Variants in RAD51D observed in about 807,000 individuals in gnomAD.
RAD51D encodes the protein DNA repair protein RAD51 homolog 4.
In RAD51D, 38 loss-of-function variants were observed where a neutral mutation model predicts 44.1. The ratio of observed to expected loss-of-function variants is 0.86; its 90% confidence interval spans 0.67 to 1.13. The LOEUF (loss-of-function observed/expected upper bound fraction) is 1.13, where lower values mean the gene tolerates loss of function less well. Ranked by LOEUF, RAD51D falls within the 50% of genes most tolerant of loss-of-function variation. RAD51D has a pLI of 0.00. For synonymous variants in RAD51D, 141 were observed against 166.6 expected (o/e 0.85, Z 1.18); for missense variants, 390 against 414.0 (o/e 0.94, Z 0.50).
At chr17:35,118,749 T>C (rs2091781111) in intron 2 of RAD51D, 130 bp from the exon 3 acceptor site, 37 of 777,352 alleles carry the variant, frequency 4.8e-5, no homozygotes, top group South Asian at 4.4e-4. Flanking sequence ...ACTTTTGTTA[T>C]TGTTGTTGTT....
In RAD51D at chr17:35,098,733, C is replaced by T. The variant is rs1428252968; in HGVS notation, c.*2220G>A. The T allele has an allele frequency of 6.6e-6, 1 of 152,080 alleles. No homozygotes were observed. Among genetic ancestry groups the T allele is most frequent in the Admixed American group, 6.5e-5 (1 of 15,268 alleles). 9.4% of individuals were successfully genotyped at this position (152,080 alleles called of 1,614,324 possible). A position where few individuals can be genotyped will look rare whatever the true frequency, so the allele number is the denominator to read the frequency against. On this transcript the variant is annotated 3_prime_UTR_variant, in exon 10 of 10. Transcript: ENST00000345365. The stretch of plus-strand genomic sequence containing the variant: ...TGTGGGAATTAAAAAAAAAAGAGTC[C>T]TAGGAATCAAGTTGTGGGTTCCAGA...
In RAD51D at chr17:35,103,317, G is replaced by T. The variant is rs760789270; in HGVS notation, c.675C>A (p.Ala225=). Residue 225 remains alanine, a synonymous_variant, in exon 8 of 10, where the codon GCC becomes GCA. Coordinates refer to ENST00000345365, the MANE Select transcript of RAD51D (RefSeq NM_002878.4). This position sits in a 1 kb window ranked among gnomAD's most constrained non-coding sequence, Gnocchi z 4.1. The part of the protein sequence containing the change: ...LLGGQQREGL[A]LMMQLARELK... ...GCTCTCGGGCCAGCTGCATCATCAAGGCCAAGCCTGCAGGAGGAGGAGAAG... is the reference window on the plus strand; with the variant it reads ...GCTCTCGGGCCAGCTGCATCATCAATGCCAAGCCTGCAGGAGGAGGAGAAG... The T allele has an allele frequency of 6.2e-7, 1 of 1,612,342 alleles. No homozygotes were observed. Among genetic ancestry groups the T allele is most frequent in the Non-Finnish European group, 8.5e-7 (1 of 1,179,292 alleles).
Position 35,110,808 on chromosome 17 carries a change from T to TA in RAD51D, c.264-3362dup, listed in dbSNP as rs773990072. On this transcript the variant is annotated intron_variant, in intron 3 of 9. Coordinates refer to ENST00000345365, the MANE Select transcript of RAD51D (RefSeq NM_002878.4). ...GCAACATAATGAAACCCTGTCTCTA[T>TA]AAAAAAAATACAAACAGGCTGGGCG... Among the ~76,000 whole-genome samples the TA allele has an allele frequency of 2.4e-4, 37 of 151,782 alleles. 1 individual carries two copies. Among genetic ancestry groups the TA allele is most frequent in the African/African-American group, 7.7e-4 (32 of 41,392 alleles).
rs2091506275 is a variant in RAD51D, at chr17:35,098,898, TA to T, written c.*2054del. 1 of 151,900 alleles carries T rather than the reference TA, an allele frequency of 6.6e-6. No homozygotes were observed. The highest frequency in any genetic ancestry group is 1.5e-5 in the Non-Finnish European group (1 of 68,046). The allele number at this position is 151,900 out of a possible 1,614,324, so 9.4% of individuals were successfully genotyped here. ...TTGCTCTGTTACCCAGGCTGGGGTG[TA>T]GTGGTGCGATCAGGGCTCACTGCAG... On this transcript the variant is annotated 3_prime_UTR_variant, in exon 10 of 10. Transcript: ENST00000345365.
In RAD51D at chr17:35,100,828, C is replaced by G; in HGVS notation, c.*125G>C. 1 of 823,932 alleles carries G rather than the reference C, an allele frequency of 1.2e-6. No individual in the cohort carries two copies. The highest frequency in any genetic ancestry group is 2.1e-6 in the Non-Finnish European group (1 of 477,260). 51.0% of individuals were successfully genotyped at this position (823,932 alleles called of 1,614,324 possible). A position where few individuals can be genotyped will look rare whatever the true frequency, so the allele number is the denominator to read the frequency against. Reference sequence around the variant, plus strand: ...TGAGGCCAAGGAACCCAAGATGTCTCTTCTGGCCAGCCTGAGAACGTCTGT... The same window carrying G: ...TGAGGCCAAGGAACCCAAGATGTCTGTTCTGGCCAGCCTGAGAACGTCTGT... On this transcript the variant is annotated 3_prime_UTR_variant, in exon 10 of 10. Transcript: ENST00000345365.
chr17:35,109,794 A>G (rs529047623), intron 3 of RAD51D, among the ~76,000 whole-genome samples: 158 of 151,748 alleles, frequency 1.0e-3, no homozygotes, highest in African/African-American at 3.7e-3. Flanking sequence ...CAGCCTCCCG[A>G]GTAGCTAGGA....
intron 3 of RAD51D, among the ~76,000 whole-genome samples, chr17:35,113,271 A>AC (rs1307967497): frequency 6.8e-6 from 1 of 147,284 alleles, no homozygotes; most frequent in African/African-American, 2.5e-5. Flanking sequence ...CATCCCATCC[A>AC]TTTTTTTTTT....
chr17:35,100,974 T>C lies in RAD51D; in HGVS notation c.966A>G (p.Thr322=), dbSNP rs786203299. 19 of 1,613,136 alleles carry C rather than the reference T, an allele frequency of 1.2e-5. No individual in the cohort carries two copies. The highest frequency in any genetic ancestry group is 1.6e-5 in the Non-Finnish European group (19 of 1,179,230). Residue 322 remains threonine (T), a synonymous_variant, in exon 10 of 10, where the codon ACA becomes ACG. Transcript: ENST00000345365. ...CAGGTCATGTCTGATCACCCTGTAA[T>C]GTGGCACTCTGCTCTGAGGTCCCCC... is the stretch of plus-strand genomic sequence containing the variant. ...GTWGTSEQSA[T]LQGDQT
chr17:35,094,181 A>G lies in RAD51D; in HGVS notation c.*6772T>C, dbSNP rs755869560. ...CAGTAGTGTGATCTTGGCTCACTGCAACTTCCACCACCCGGGTTCAAGCGA... is the reference window on the plus strand; with the variant it reads ...CAGTAGTGTGATCTTGGCTCACTGCGACTTCCACCACCCGGGTTCAAGCGA... On this transcript the variant is annotated 3_prime_UTR_variant, in exon 10 of 10. Coordinates refer to ENST00000345365, the MANE Select transcript of RAD51D (RefSeq NM_002878.4). The G allele has an allele frequency of 1.3e-5, 2 of 152,070 alleles. No homozygotes were observed. Among genetic ancestry groups the G allele is most frequent in the Non-Finnish European group, 2.9e-5 (2 of 68,074 alleles). 9.4% of individuals were successfully genotyped at this position (152,070 alleles called of 1,614,324 possible).
intron 8 of RAD51D, among the ~76,000 whole-genome samples, chr17:35,102,404 G>A (rs1458610531): frequency 6.6e-6 from 1 of 152,034 alleles, no homozygotes; most frequent in Non-Finnish European, 1.5e-5. Context: ...GCTTCTCAAA[G>A]TGCTGGGATT....
rs2091477399 is a variant in RAD51D, at chr17:35,094,870, T to C, written c.*6083A>G. ...GGCCTAAGGATACATAATAGAGCCTTGATTAACTCGTCTTTGGTACTACCG... is the reference window on the plus strand; with the variant it reads ...GGCCTAAGGATACATAATAGAGCCTCGATTAACTCGTCTTTGGTACTACCG... On this transcript the variant is annotated 3_prime_UTR_variant, in exon 10 of 10. Coordinates refer to ENST00000345365, the MANE Select transcript of RAD51D (RefSeq NM_002878.4). The C allele has an allele frequency of 6.6e-6, 1 of 150,780 alleles. No individual in the cohort carries two copies. Among genetic ancestry groups the C allele is most frequent in the Admixed American group, 6.6e-5 (1 of 15,236 alleles). 9.3% of individuals were successfully genotyped at this position (150,780 alleles called of 1,614,324 possible).
rs370850037 is a variant in RAD51D, at chr17:35,118,659, G to A, written c.145-40C>T. On this transcript the variant is annotated intron_variant, in intron 2 of 9. Transcript: ENST00000345365. The stretch of plus-strand genomic sequence containing the variant: ...CAGACTGCTCAGCAACAAATTGCCC[G>A]TAGAAGCTGGCATCCCAGGGTGTCA... 1,214 of 1,490,832 alleles carry A rather than the reference G, an allele frequency of 8.1e-4. 6 individuals carry two copies. The South Asian group carries it at 0.011, about 13-fold the overall frequency. The allele number at this position is 1,490,832 out of a possible 1,614,324, so 92.4% of individuals were successfully genotyped here.
At position 35,098,411 on chromosome 17, in the gene RAD51D, T is replaced by A. The variant is rs2091502054; in HGVS notation, c.*2542A>T. 8.4e-6 allele frequency: 1 copy of A among 118,788 alleles called. No homozygotes were observed. Among genetic ancestry groups the A allele is most frequent in the Non-Finnish European group, 1.9e-5 (1 of 53,838 alleles). 7.4% of individuals were successfully genotyped at this position (118,788 alleles called of 1,614,324 possible). On this transcript the variant is annotated 3_prime_UTR_variant, in exon 10 of 10. Transcript: ENST00000345365. ...CACGACGCCTGGCTAATTTTTGCAT[T>A]TTTTTTTTTTTTTTGAGACGGAGTC...
intron 3 of RAD51D, among the ~76,000 whole-genome samples, chr17:35,115,050 C>T (rs935115194): frequency 8.5e-5 from 13 of 152,146 alleles, no homozygotes; most frequent in East Asian, 3.9e-4. Context: ...GTTTCCATTC[C>T]GTGCCTCTCC....
In RAD51D at chr17:35,106,426, A is replaced by G. The variant is rs777593941; in HGVS notation, c.536T>C (p.Leu179Pro). The stretch of plus-strand genomic sequence containing the variant: ...GCCTCGGAGCTCCTGCAGCACATCC[A>G]GCATCTGGAAGATGTCAAATGCATG... ...VVHAFDIFQM[L>P]DVLQELRGTV... The change falls in exon 6 of 10, where the codon CTG becomes CCG. Residue 179 changes from leucine to proline, a missense_variant. Physicochemically the swap from Leu to Pro is moderately conservative, Grantham distance 98. Transcript: ENST00000345365. The G allele has an allele frequency of 6.2e-7, 1 of 1,613,414 alleles. No homozygotes were observed. Among genetic ancestry groups the G allele is most frequent in the South Asian group, 1.1e-5 (1 of 90,842 alleles).
chr17:35,107,561 T>C (rs1382438868), intron 3 of RAD51D, 114 bp from the exon 4 acceptor site: 2 of 876,472 alleles, frequency 2.3e-6, no homozygotes, highest in Non-Finnish European at 3.7e-6. Context: ...TCTTTGAACA[T>C]CACTGGCCAG....
At chr17:35,102,922 T>G (rs989317246) in intron 8 of RAD51D, among the ~76,000 whole-genome samples, 3 of 152,174 alleles carry the variant, frequency 2.0e-5, no homozygotes, top group African/African-American at 7.2e-5. Flanking sequence ...TGCCTGGGCC[T>G]GGGGGACCTT....
intron 3 of RAD51D, 148 bp downstream of exon 3, chr17:35,118,353 G>A (rs1280633721): frequency 1.4e-6 from 1 of 695,256 alleles, no homozygotes; most frequent in African/African-American, 1.8e-5. Flanking sequence ...TATAGGATAA[G>A]AATTCAGATG....
chr17:35,119,195 G>A (rs776780933), intron 1 of RAD51D, 23 bp from the exon 2 acceptor site: 219 of 1,606,384 alleles, frequency 1.4e-4, no homozygotes, highest in Non-Finnish European at 1.8e-4. Context: ...CACGTATAGC[G>A]GATTGGCAGA....
Sources: allele counts gnomAD v4.1 joint callset (sites outside exome capture counted in the v4.1 genomes callset), GRCh38; gene constraint gnomAD v4.1.1; non-coding constraint Gnocchi (gnomAD v3.1); transcripts MANE v1.5; gene names NCBI Gene and HGNC (gene_info 2026-07-23, HGNC 2026-07-21).